The following EIF2AK2 variants were observed in gnomAD, a reference collection of about 807,000 sequenced individuals.
The protein encoded by EIF2AK2 is eukaryotic translation initiation factor 2 alpha kinase 2.
EIF2AK2 carries 40 observed loss-of-function variants against 70.5 expected under a neutral mutation model. That is an observed-to-expected ratio of 0.57 (90% CI 0.44 to 0.74). EIF2AK2 has a LOEUF of 0.74. Among genes scored for constraint, EIF2AK2 ranks in the 30% least tolerant of loss-of-function variants. The pLI, the probability that EIF2AK2 is intolerant of heterozygous loss-of-function variation, is 0.00. For missense variants in EIF2AK2, 555 were observed against 644.3 expected (o/e 0.86, Z 1.50); for synonymous variants, 198 against 220.9 (o/e 0.90, Z 0.92).
At chr2:37,112,667 A>C (rs141820405) in intron 14 of EIF2AK2, among the ~76,000 whole-genome samples, 8 of 152,372 alleles carry the variant, frequency 5.3e-5, no homozygotes, top group Non-Finnish European at 1.0e-4. Flanking sequence ...GAAATATAAA[A>C]TAAATTAAGG....
rs960941085 is a variant in EIF2AK2, at chr2:37,099,552, C to T, written c.*7721G>A. The stretch of plus-strand genomic sequence containing the variant: ...TCATTTTGAGTGGGAGATGTTGGAA[C>T]ACTTTGGAAATAACACTGAATTTGG... On this transcript the variant is annotated 3_prime_UTR_variant, in exon 17 of 17. Coordinates refer to ENST00000233057, the MANE Select transcript of EIF2AK2 (RefSeq NM_001135651.3). 7 of 152,122 alleles carry T rather than the reference C, an allele frequency of 4.6e-5. No homozygotes were observed. Among genetic ancestry groups the T allele is most frequent in the Admixed American group, 4.6e-4 (7 of 15,272 alleles). The allele number at this position is 152,122 out of a possible 1,614,324, so 9.4% of individuals were successfully genotyped here.
At chr2:37,109,138 T>C in intron 15 of EIF2AK2, 56 bp downstream of exon 15, 1 of 1,527,810 alleles carries the variant, frequency 6.5e-7, no homozygotes, top group Non-Finnish European at 9.0e-7. Context: ...AGCAGCACTC[T>C]GAAGGTGGTA....
chr2:37,126,967 GA>G (rs57802509), intron 10 of EIF2AK2, among the ~76,000 whole-genome samples: 23 of 52,166 alleles, frequency 4.4e-4, no homozygotes, highest in African/African-American at 6.1e-4. Context: ...CAAAAAAACA[GA>G]AAAAAAAAAA....
chr2:37,130,512 C>A (rs1462985715), intron 10 of EIF2AK2, among the ~76,000 whole-genome samples: 9 of 152,204 alleles, frequency 5.9e-5, no homozygotes, highest in Non-Finnish European at 1.2e-4. Context: ...ACAAATAACT[C>A]CACTACTGTT....
chr2:37,099,616 T>C lies in EIF2AK2; in HGVS notation c.*7657A>G, dbSNP rs1230115154. The C allele has an allele frequency of 6.6e-6, 1 of 152,188 alleles. No individual in the cohort carries two copies. Among genetic ancestry groups the C allele is most frequent in the Non-Finnish European group, 1.5e-5 (1 of 68,034 alleles). 9.4% of individuals were successfully genotyped at this position (152,188 alleles called of 1,614,324 possible). A position where few individuals can be genotyped will look rare whatever the true frequency, so the allele number is the denominator to read the frequency against. On this transcript the variant is annotated 3_prime_UTR_variant, in exon 17 of 17. Coordinates refer to ENST00000233057, the MANE Select transcript of EIF2AK2 (RefSeq NM_001135651.3). The stretch of plus-strand genomic sequence containing the variant: ...GATATAATTTTGATATGCAAAGTTA[T>C]GAGGAAAGAGTTACTGTATAATCCA...
intron 14 of EIF2AK2, among the ~76,000 whole-genome samples, chr2:37,113,379 C>T (rs1195507018): frequency 6.6e-6 from 1 of 151,664 alleles, no homozygotes; most frequent in Non-Finnish European, 1.5e-5. Flanking sequence ...CCTATAATCC[C>T]AGCTACTTGG....
chr2:37,141,049 C>A (rs182400217), intron 5 of EIF2AK2, among the ~76,000 whole-genome samples: 70 of 152,310 alleles, frequency 4.6e-4, no homozygotes, highest in African/African-American at 1.6e-3. Context: ...CATCAGATCC[C>A]TCAAATCCCG....
chr2:37,132,146 C>A (rs1008367862), intron 10 of EIF2AK2, among the ~76,000 whole-genome samples: 12 of 152,162 alleles, frequency 7.9e-5, no homozygotes, highest in South Asian at 2.1e-4. Flanking sequence ...AAACACACCT[C>A]AACCAACCAT....
intron 11 of EIF2AK2, among the ~76,000 whole-genome samples, chr2:37,123,077 A>T (rs1455135804): frequency 6.6e-6 from 1 of 151,940 alleles, no homozygotes; most frequent in East Asian, 2.0e-4. Flanking sequence ...CTGAGGCAGG[A>T]GAATCGCTTG....
rs1675646908 is a variant in EIF2AK2, at chr2:37,148,843, A to T, written c.-17+14T>A. 1 of 842,364 alleles carries T rather than the reference A, an allele frequency of 1.2e-6. No individual in the cohort carries two copies. The highest frequency in any genetic ancestry group is 2.1e-6 in the Non-Finnish European group (1 of 477,306). 52.2% of individuals were successfully genotyped at this position (842,364 alleles called of 1,614,324 possible). Reference sequence around the variant, plus strand: ...CCACTTTTCTGAGTGCAAAATTCGGAAGACCGCTTGTACCTGGTTGGAAGC... The same window carrying T: ...CCACTTTTCTGAGTGCAAAATTCGGTAGACCGCTTGTACCTGGTTGGAAGC... On this transcript the variant is annotated intron_variant, in intron 2 of 16. Coordinates refer to ENST00000233057, the MANE Select transcript of EIF2AK2 (RefSeq NM_001135651.3).
chr2:37,120,356 T>C (rs1674495579), intron 12 of EIF2AK2, among the ~76,000 whole-genome samples: 1 of 150,698 alleles, frequency 6.6e-6, no homozygotes, highest in Non-Finnish European at 1.5e-5. Flanking sequence ...ATACAAAAAA[T>C]TAGCCAGGCG....
intron 4 of EIF2AK2, among the ~76,000 whole-genome samples, chr2:37,141,970 A>G (rs1489554453): frequency 6.6e-6 from 1 of 152,194 alleles, no homozygotes; most frequent in Non-Finnish European, 1.5e-5. Flanking sequence ...CTAGCTTGTT[A>G]TACCCTTTCT....
chr2:37,109,064 T>C (rs1381608460), intron 15 of EIF2AK2, 130 bp downstream of exon 15: 5 of 747,026 alleles, frequency 6.7e-6, no homozygotes, highest in Non-Finnish European at 1.1e-5. Context: ...AAATTCATAT[T>C]TCATTTGCAG....
In EIF2AK2 at chr2:37,099,853, C is replaced by G. The variant is rs1309339921; in HGVS notation, c.*7420G>C. 3 of 152,106 alleles carry G rather than the reference C, an allele frequency of 2.0e-5. No homozygotes were observed. The highest frequency in any genetic ancestry group is 4.4e-5 in the Non-Finnish European group (3 of 68,026). 9.4% of individuals were successfully genotyped at this position (152,106 alleles called of 1,614,324 possible). A position where few individuals can be genotyped will look rare whatever the true frequency, so the allele number is the denominator to read the frequency against. On this transcript the variant is annotated 3_prime_UTR_variant, in exon 17 of 17. Coordinates refer to ENST00000233057, the MANE Select transcript of EIF2AK2 (RefSeq NM_001135651.3). ...AAAGGAATGAGATGCTGATTCATGC[C>G]ACAGCTGGGATGCACCTTGAAAATA...
intron 2 of EIF2AK2, among the ~76,000 whole-genome samples, chr2:37,148,129 G>A (rs925746184): frequency 1.3e-5 from 2 of 152,106 alleles, no homozygotes; most frequent in African/African-American, 4.8e-5. Context: ...ACCAGCCTGG[G>A]CAACATGGCG....
Position 37,146,894 on chromosome 2 carries a change from C to T in EIF2AK2, c.199G>A (p.Ala67Thr), listed in dbSNP as rs367990775. 34 of 1,613,796 alleles carry T rather than the reference C, an allele frequency of 2.1e-5. No homozygotes were observed. The highest frequency in any genetic ancestry group is 7.7e-5 in the South Asian group (7 of 91,072). ...GRSKKEAKNAAAKLAVEILNK... is the reference protein window; with the variant it reads ...GRSKKEAKNATAKLAVEILNK... ...AGTATCTCAACAGCTAATTTGGCTG[C>T]GGCATTTTTTGCTTCCTTCTTTGAT... is the stretch of plus-strand genomic sequence containing the variant. Residue 67 changes from alanine to threonine, a missense_variant, in exon 4 of 17, where the codon GCA (alanine) becomes ACA (threonine). Around this residue, in one of 3 missense-constraint regions of EIF2AK2, gnomAD observed 208 missense variants for 191.8 expected, o/e 1.08. Coordinates refer to ENST00000233057, the MANE Select transcript of EIF2AK2 (RefSeq NM_001135651.3).
At chr2:37,137,811 A>G (rs1347048776) in intron 8 of EIF2AK2, among the ~76,000 whole-genome samples, 1 of 152,110 alleles carries the variant, frequency 6.6e-6, no homozygotes, top group East Asian at 1.9e-4. Flanking sequence ...TTAATTTTAA[A>G]AAAAGTCAAA....
intron 14 of EIF2AK2, 97 bp downstream of exon 14, chr2:37,114,634 C>G: frequency 8.6e-7 from 1 of 1,161,226 alleles, no homozygotes; most frequent in South Asian, 2.8e-5. Context: ...TTAGTATATA[C>G]TTCTGTACAG....
intron 9 of EIF2AK2, 51 bp downstream of exon 9, chr2:37,136,932 T>C: frequency 6.5e-7 from 1 of 1,531,164 alleles, no homozygotes; most frequent in South Asian, 1.2e-5. Context: ...AATAAATAAG[T>C]CTGAAATAAA....
Sources: allele counts gnomAD v4.1 joint callset (sites outside exome capture counted in the v4.1 genomes callset), GRCh38; gene constraint gnomAD v4.1.1; regional missense constraint gnomAD v4.1.1; transcripts MANE v1.5; gene names NCBI Gene and HGNC (gene_info 2026-07-23, HGNC 2026-07-21).